Variants in KAZN observed in about 807,000 individuals in gnomAD.
KAZN encodes kazrin, periplakin interacting protein, also known as kazrin.
A neutral mutation model predicts 87.4 loss-of-function variants in KAZN; 40 were observed. The ratio of observed to expected loss-of-function variants is 0.46; its 90% CI spans 0.36 to 0.60. The LOEUF is 0.60. KAZN is among the 20% of genes least tolerant of loss of function. KAZN has a pLI of 0.00. For missense variants in KAZN, 898 were observed against 1,073.9 expected (o/e 0.84, Z 2.29); for synonymous variants, 466 against 458.3 (o/e 1.02, Z -0.22).
chr1:14,540,524 T>G (rs4456087), intron 2 of KAZN, among the ~76,000 whole-genome samples: 146,670 of 152,220 alleles, frequency 0.96, 70,891 homozygotes, highest in East Asian at 1. Context: ...ATCCAAAGGG[T>G]GTTGTCACAC....
intron 2 of KAZN, among the ~76,000 whole-genome samples, chr1:14,434,571 T>A (rs6694547): frequency 0.039 from 5,937 of 152,310 alleles, 176 homozygotes; most frequent in African/African-American, 0.086. Context: ...CCCTGGCTGC[T>A]TCATGGTGGA....
chr1:14,330,663 T>G, intron 2 of KAZN, among the ~76,000 whole-genome samples: 1 of 152,176 alleles, frequency 6.6e-6, no homozygotes, highest in East Asian at 1.9e-4. Flanking sequence ...TGTGTCTCTC[T>G]GCTTTGCAAC....
intron 2 of KAZN, among the ~76,000 whole-genome samples, chr1:14,529,383 AG>A (rs1672090844): frequency 6.6e-6 from 1 of 152,140 alleles, no homozygotes; most frequent in Admixed American, 6.5e-5. Flanking sequence ...TGTGTCTCTG[AG>A]GGGGGATTAG....
chr1:14,519,686 A>G (rs1671479177), intron 2 of KAZN, among the ~76,000 whole-genome samples: 1 of 152,184 alleles, frequency 6.6e-6, no homozygotes, highest in African/African-American at 2.4e-5. Context: ...AAGAGGGAAA[A>G]CAGAGAAAAT....
At chr1:14,977,815 G>A (rs1184566118) in intron 2 of KAZN, among the ~76,000 whole-genome samples, 6 of 151,836 alleles carry the variant, frequency 4.0e-5, no homozygotes, top group African/African-American at 1.5e-4. Flanking sequence ...CCTCTCACTC[G>A]CTTGCCTGGG....
intron 2 of KAZN, among the ~76,000 whole-genome samples, chr1:14,273,284 C>T (rs1463062883): frequency 1.3e-5 from 2 of 151,920 alleles, no homozygotes; most frequent in East Asian, 3.9e-4. Context: ...TATGAGTTGT[C>T]AAGCAGGAGA....
chr1:14,288,746 C>A (rs990662928), intron 2 of KAZN, among the ~76,000 whole-genome samples: 2 of 152,150 alleles, frequency 1.3e-5, no homozygotes, highest in Non-Finnish European at 2.9e-5. Flanking sequence ...TTTGCTCTTG[C>A]TTCTCTAGTT....
intron 1 of KAZN, among the ~76,000 whole-genome samples, chr1:14,664,598 A>C (rs975964373): frequency 2.0e-5 from 3 of 151,928 alleles, no homozygotes; most frequent in Non-Finnish European, 4.4e-5. Flanking sequence ...ACAATATTCC[A>C]ACCCTACTCC....
At chr1:14,206,969 C>T (rs144656743) in intron 2 of KAZN, among the ~76,000 whole-genome samples, 2 of 145,602 alleles carry the variant, frequency 1.4e-5, no homozygotes, top group African/African-American at 5.1e-5. Context: ...TTCTTTCTTT[C>T]TTTTTTTTTT....
chr1:14,402,335 GTTC>G (rs1663486863), intron 2 of KAZN, among the ~76,000 whole-genome samples: 1 of 151,738 alleles, frequency 6.6e-6, no homozygotes, highest in Admixed American at 6.6e-5. Flanking sequence ...CACTCATTGA[GTTC>G]TTACCAGCGT....
At position 14,610,670 on chromosome 1, in the gene KAZN, C is replaced by G. The variant is rs143038982; in HGVS notation, c.226+11447C>G. Among the ~76,000 whole-genome samples the G allele has an allele frequency of 3.7e-3, 556 of 152,166 alleles. 4 individuals are homozygous for G. The highest frequency in any genetic ancestry group is 5.6e-3 in the Non-Finnish European group (382 of 68,012). On this transcript the variant is annotated intron_variant, in intron 1 of 14. Coordinates refer to ENST00000376030, the MANE Select transcript of KAZN (RefSeq NM_201628.3). ...AGTGGCCTAGATCTGACAATGGCTCCCCTGTGGAGAATTTTTTTTTTTTTT... is the reference window on the plus strand; with the variant it reads ...AGTGGCCTAGATCTGACAATGGCTCGCCTGTGGAGAATTTTTTTTTTTTTT...
chr1:14,309,307 T>C (rs1163522578), intron 2 of KAZN, among the ~76,000 whole-genome samples: 2 of 152,180 alleles, frequency 1.3e-5, no homozygotes, highest in African/African-American at 2.4e-5. Flanking sequence ...TTAATAAAAA[T>C]TGATTTATAT....
At chr1:14,160,156 T>C (rs990088127) in intron 1 of KAZN, among the ~76,000 whole-genome samples, 1 of 152,230 alleles carries the variant, frequency 6.6e-6, no homozygotes, top group Non-Finnish European at 1.5e-5. Flanking sequence ...GTTGCAGTCC[T>C]TTTGGCCTAG....
intron 2 of KAZN, among the ~76,000 whole-genome samples, chr1:14,269,697 G>A (rs1483035989): frequency 6.6e-6 from 1 of 152,156 alleles, no homozygotes; most frequent in Non-Finnish European, 1.5e-5. Context: ...TTACAATATG[G>A]AAACTGAAGG....
chr1:13,920,961 A>T (rs1301034914), intron 1 of KAZN, among the ~76,000 whole-genome samples: 1 of 152,100 alleles, frequency 6.6e-6, no homozygotes, highest in African/African-American at 2.4e-5. Context: ...TACAGCTCAG[A>T]GGAATGTGCA....
At chr1:14,078,458 G>T (rs999581469) in intron 1 of KAZN, among the ~76,000 whole-genome samples, 6 of 152,182 alleles carry the variant, frequency 3.9e-5, no homozygotes, top group Admixed American at 6.5e-5. Context: ...GTAAGAGAGG[G>T]ACCAAATCTG....
intron 2 of KAZN, among the ~76,000 whole-genome samples, chr1:14,406,550 G>C (rs994449138): frequency 4.6e-5 from 7 of 152,118 alleles, no homozygotes; most frequent in Non-Finnish European, 1.0e-4. Context: ...GGAAAGGATG[G>C]GAGGGGGGTG....
intron 1 of KAZN, among the ~76,000 whole-genome samples, chr1:14,043,612 G>GTT (rs57731348): frequency 1.3e-5 from 2 of 150,450 alleles, no homozygotes; most frequent in Non-Finnish European, 3.0e-5. Flanking sequence ...GTTATTTTCT[G>GTT]TTTTTTTTTT....
At chr1:14,260,914 G>A (rs1650964605) in intron 2 of KAZN, among the ~76,000 whole-genome samples, 1 of 152,172 alleles carries the variant, frequency 6.6e-6, no homozygotes, top group Non-Finnish European at 1.5e-5. Context: ...CCTCCAGGGT[G>A]CATGCTCCCA....
Sources: allele counts gnomAD v4.1 joint callset (sites outside exome capture counted in the v4.1 genomes callset), GRCh38; gene constraint gnomAD v4.1.1; transcripts MANE v1.5; gene names NCBI Gene and HGNC (gene_info 2026-07-23, HGNC 2026-07-21).